Variants in TENM2 observed in about 807,000 individuals in gnomAD.
TENM2 encodes the protein teneurin-2.
In TENM2, 52 loss-of-function variants were observed where a neutral mutation model predicts 245.2. That is an observed-to-expected ratio of 0.21 (90% CI 0.17 to 0.27). The LOEUF (loss-of-function observed/expected upper bound fraction) is 0.27, where lower values mean the gene tolerates loss of function less well. Among genes scored for constraint, TENM2 ranks in the 10% least tolerant of loss-of-function variants. TENM2 has a pLI of 1.00. For missense variants in TENM2, 3,046 were observed against 3,666.8 expected (o/e 0.83, Z 4.37); for synonymous variants, 1,363 against 1,438.9 (o/e 0.95, Z 1.19).
At chr5:167,184,474 G>T in the TENM2 span, among the ~76,000 whole-genome samples, 2 of 152,130 alleles carry the variant, frequency 1.3e-5, no homozygotes, top group Non-Finnish European at 2.9e-5. Flanking sequence ...TTTTGTTGGG[G>T]GGTGGAGGGA....
intron 3 of TENM2, among the ~76,000 whole-genome samples, chr5:167,914,427 G>A (rs1191814478): frequency 6.6e-6 from 1 of 151,964 alleles, no homozygotes; most frequent in East Asian, 1.9e-4. Context: ...TGTCTCTCTG[G>A]TTCTCTCTCT....
At position 167,590,346 on chromosome 5, in the gene TENM2, T is replaced by C. The variant is rs531812709; in HGVS notation, c.502+214873T>C. ...AAAAAATCCCCATTATAAGGTTCAA[T>C]AAATGCGTACTATATTTTCTCCTAG... On this transcript the variant is annotated intron_variant, in intron 2 of 28. Coordinates refer to ENST00000518659, the Ensembl canonical transcript of TENM2. Among the ~76,000 whole-genome samples the C allele has an allele frequency of 2.0e-5, 3 of 152,184 alleles. No individual in the cohort carries two copies. The East Asian group carries it at 5.8e-4, about 29-fold the overall frequency.
intron 5 of TENM2, among the ~76,000 whole-genome samples, chr5:168,000,245 T>C (rs1784333547): frequency 6.6e-6 from 1 of 152,220 alleles, no homozygotes; most frequent in South Asian, 2.1e-4. Context: ...GATTTGTGCT[T>C]GGGGTTTCCT....
intron 2 of TENM2, among the ~76,000 whole-genome samples, chr5:167,550,262 C>A (rs1025211464): frequency 6.6e-6 from 1 of 152,136 alleles, no homozygotes; most frequent in South Asian, 2.1e-4. Flanking sequence ...GGCAAATGTA[C>A]GTTCTGCTGG....
chr5:167,949,950 A>G (rs1779949064), intron 3 of TENM2, among the ~76,000 whole-genome samples: 1 of 152,234 alleles, frequency 6.6e-6, no homozygotes, highest in Admixed American at 6.5e-5. Flanking sequence ...AATGTCTTCC[A>G]ATACCGAGAA....
At chr5:167,860,216 C>T (rs1408472499) in intron 2 of TENM2, among the ~76,000 whole-genome samples, 469 of 126,910 alleles carry the variant, frequency 3.7e-3, no homozygotes, top group East Asian at 0.012. Context: ...CCCGGCCAGC[C>T]GCCCCGTCCG....
chr5:167,042,390 CCTG>C, the TENM2 span, among the ~76,000 whole-genome samples: 1 of 152,144 alleles, frequency 6.6e-6, no homozygotes, highest in South Asian at 2.1e-4. Flanking sequence ...CAGCTGTGTA[CCTG>C]TATCTCCTTC....
intron 2 of TENM2, among the ~76,000 whole-genome samples, chr5:167,645,426 C>T (rs750915784): frequency 2.8e-4 from 43 of 152,032 alleles, no homozygotes; most frequent in Non-Finnish European, 4.1e-4. Flanking sequence ...CACAGGGACT[C>T]ATAGCAAGCA....
At chr5:167,883,385 TGCACAC>T (rs1036678836) in intron 3 of TENM2, among the ~76,000 whole-genome samples, 1 of 152,226 alleles carries the variant, frequency 6.6e-6, no homozygotes, top group African/African-American at 2.4e-5. Flanking sequence ...TGCACGTGTG[TGCACAC>T]GCACACACAC....
intron 1 of TENM2, among the ~76,000 whole-genome samples, chr5:167,370,809 G>A (rs961174693): frequency 4.6e-5 from 7 of 152,204 alleles, no homozygotes; most frequent in African/African-American, 1.7e-4. Flanking sequence ...CTGAAAGATA[G>A]TAAAGAAGAA....
the TENM2 span, among the ~76,000 whole-genome samples, chr5:167,170,938 G>A: frequency 1.3e-5 from 2 of 151,332 alleles, no homozygotes; most frequent in African/African-American, 4.9e-5. Flanking sequence ...TGACTTCTTG[G>A]TTATCACTTT....
At chr5:168,104,294 G>C (rs1197000188) in intron 9 of TENM2, among the ~76,000 whole-genome samples, 1 of 152,148 alleles carries the variant, frequency 6.6e-6, no homozygotes, top group Non-Finnish European at 1.5e-5. Context: ...CTCCCAAAGT[G>C]CTGGGATTAC....
At chr5:167,030,477 C>CT in the TENM2 span, among the ~76,000 whole-genome samples, 80 of 152,126 alleles carry the variant, frequency 5.3e-4, no homozygotes, top group African/African-American at 1.8e-3. Flanking sequence ...CGCTTTCTCT[C>CT]TTTTTTTATT....
At chr5:167,215,894 C>T in the TENM2 span, among the ~76,000 whole-genome samples, 15 of 151,986 alleles carry the variant, frequency 9.9e-5, no homozygotes, top group African/African-American at 3.6e-4. Flanking sequence ...TTTTTTTAAA[C>T]AGCATTATTG....
chr5:167,879,694 AG>A (rs1773717675), intron 3 of TENM2, among the ~76,000 whole-genome samples: 1 of 152,128 alleles, frequency 6.6e-6, no homozygotes, highest in Admixed American at 6.5e-5. Context: ...GTTTAAATAA[AG>A]GGGCTTTGAA....
At chr5:167,231,058 T>A in the TENM2 span, among the ~76,000 whole-genome samples, 2 of 152,196 alleles carry the variant, frequency 1.3e-5, no homozygotes, top group Admixed American at 6.5e-5. Flanking sequence ...AAGAGGTGCC[T>A]TCTGCCATGA....
intron 3 of TENM2, among the ~76,000 whole-genome samples, chr5:167,935,708 G>A (rs1435118532): frequency 6.6e-6 from 1 of 152,130 alleles, no homozygotes; most frequent in African/African-American, 2.4e-5. Context: ...ACTAAAAGAT[G>A]AGAAAGCCTC....
At chr5:167,563,092 A>G (rs1185490638) in intron 2 of TENM2, among the ~76,000 whole-genome samples, 2 of 152,158 alleles carry the variant, frequency 1.3e-5, no homozygotes, top group East Asian at 3.9e-4. Flanking sequence ...CTCAGTGTGC[A>G]TTCTCAACTC....
chr5:167,463,850 TGTTA>T (rs1766481078), intron 2 of TENM2, among the ~76,000 whole-genome samples: 1 of 152,058 alleles, frequency 6.6e-6, no homozygotes, highest in Non-Finnish European at 1.5e-5. Context: ...TTTGCAAGAG[TGTTA>T]GTTGTTTAGT....
Sources: allele counts gnomAD v4.1 joint callset (sites outside exome capture counted in the v4.1 genomes callset), GRCh38; gene constraint gnomAD v4.1.1; transcripts MANE v1.5; gene names NCBI Gene and HGNC (gene_info 2026-07-23, HGNC 2026-07-21).